MAGI2: variants seen among roughly 807,000 people sequenced by gnomAD.
The protein encoded by MAGI2 is membrane-associated guanylate kinase, WW and PDZ domain-containing protein 2.
A neutral mutation model predicts 133.3 loss-of-function variants in MAGI2; 35 were observed. The observed-to-expected ratio is 0.26, with a 90% CI of 0.20 to 0.35. MAGI2 has a LOEUF of 0.35. Ranked by LOEUF, MAGI2 falls within the 10% of genes least tolerant of loss-of-function variation. The pLI is 1.00. For synonymous variants in MAGI2, 729 were observed against 710.6 expected, an observed-to-expected ratio of 1.03 and a Z score of -0.41; for missense variants, 1,636 against 1,863.4, an observed-to-expected ratio of 0.88 and a Z score of 2.25.
chr7:79,418,105 G>C (rs1029156138), intron 1 of MAGI2, among the ~76,000 whole-genome samples: 2 of 151,856 alleles, frequency 1.3e-5, no homozygotes, highest in Admixed American at 1.3e-4. Context: ...GAAATTAATC[G>C]TGTCATATTT....
At chr7:78,642,957 G>C (rs751472203) in intron 2 of MAGI2, among the ~76,000 whole-genome samples, 29 of 152,116 alleles carry the variant, frequency 1.9e-4, no homozygotes, top group Non-Finnish European at 4.1e-4. Flanking sequence ...GGGAGTGTGG[G>C]TGTGCCTTGT....
intron 10 of MAGI2, among the ~76,000 whole-genome samples, chr7:78,213,692 A>G (rs1787991268): frequency 6.6e-6 from 1 of 152,190 alleles, no homozygotes; most frequent in South Asian, 2.1e-4. Context: ...GCTGTAACCA[A>G]TCTGAGCTGT....
At chr7:78,696,681 T>TG (rs201602681) in intron 2 of MAGI2, among the ~76,000 whole-genome samples, 2,714 of 141,480 alleles carry the variant, frequency 0.019, 43 homozygotes, top group Non-Finnish European at 0.026. Flanking sequence ...TGCAAACTGA[T>TG]GAAAAAAAAA....
intron 10 of MAGI2, among the ~76,000 whole-genome samples, chr7:78,208,263 G>T (rs1310753896): frequency 6.6e-6 from 1 of 150,578 alleles, no homozygotes; most frequent in Non-Finnish European, 1.5e-5. Context: ...TTTTCAAACA[G>T]CCATTTCTCC....
At chr7:78,357,149 C>A (rs182996794) in intron 7 of MAGI2, among the ~76,000 whole-genome samples, 1 of 152,296 alleles carries the variant, frequency 6.6e-6, no homozygotes, top group Non-Finnish European at 1.5e-5. Flanking sequence ...TAAATATGGA[C>A]AGTGTGAAGT....
chr7:78,484,409 A>G (rs1792753078), intron 6 of MAGI2: 1 of 109,780 alleles, frequency 9.1e-6, no homozygotes, highest in East Asian at 4.7e-4. Context: ...ATGGGTTAAG[A>G]TTATGTAATT....
intron 6 of MAGI2, among the ~76,000 whole-genome samples, chr7:78,392,042 C>T (rs965206487): frequency 6.6e-6 from 1 of 152,022 alleles, no homozygotes; most frequent in East Asian, 1.9e-4. Context: ...ACAGACACAT[C>T]GTTTCGACTC....
chr7:78,055,665 T>C (rs1467920230), intron 21 of MAGI2, among the ~76,000 whole-genome samples: 2 of 152,046 alleles, frequency 1.3e-5, no homozygotes, highest in Non-Finnish European at 2.9e-5. Flanking sequence ...CCTTCCAAAA[T>C]CAATCAGGGG....
At position 78,362,475 on chromosome 7, in the gene MAGI2, G is replaced by A. The variant is rs185629695; in HGVS notation, c.1103+6681C>T. ...TTATCAACTATGAACTATCAGAAAA[G>A]TTAAGAGCATGTGTGTGGAGCTAGG... On this transcript the variant is annotated intron_variant, in intron 7 of 21. Coordinates refer to ENST00000354212, the MANE Select transcript of MAGI2 (RefSeq NM_012301.4). Among the ~76,000 whole-genome samples the A allele has an allele frequency of 3.9e-5, 6 of 152,246 alleles. No individual in the cohort carries two copies. The East Asian group carries it at 1.2e-3, about 29-fold the overall frequency.
intron 1 of MAGI2, among the ~76,000 whole-genome samples, chr7:79,444,198 GT>G (rs1215269588): frequency 1.3e-5 from 2 of 152,148 alleles, no homozygotes; most frequent in Non-Finnish European, 2.9e-5. Context: ...CAAACCCACA[GT>G]CAATATCATA....
intron 20 of MAGI2, among the ~76,000 whole-genome samples, chr7:78,096,802 C>T (rs554772919): frequency 2.6e-5 from 4 of 152,108 alleles, no homozygotes; most frequent in South Asian, 4.2e-4. Context: ...AAAGTTTGCC[C>T]AAAGGCAAAA....
intron 1 of MAGI2, among the ~76,000 whole-genome samples, chr7:79,074,308 CATA>C (rs889232642): frequency 2.1e-4 from 32 of 152,248 alleles, no homozygotes; most frequent in Admixed American, 1.8e-3. Context: ...TTATAATAAA[CATA>C]ATATTCTATT....
chr7:79,329,634 G>A lies in MAGI2; in HGVS notation c.301+123386C>T, dbSNP rs185672281. Among the ~76,000 whole-genome samples the A allele has an allele frequency of 2.5e-3, 381 of 152,260 alleles. 3 individuals carry two copies. Among genetic ancestry groups the A allele is most frequent in the Non-Finnish European group, 4.3e-3 (293 of 68,008 alleles). ...GTTTTAATACTGGCAATATAATTAC[G>A]AGATTAGATTTCTGTTCTCCCTGAC... On this transcript the variant is annotated intron_variant, in intron 1 of 21. Transcript: ENST00000354212.
intron 1 of MAGI2, among the ~76,000 whole-genome samples, chr7:79,340,857 C>T (rs994715379): frequency 2.0e-5 from 3 of 152,092 alleles, no homozygotes; most frequent in East Asian, 3.9e-4. Flanking sequence ...CCTAGGATGG[C>T]CATTTACCTG....
chr7:79,066,367 T>C (rs1814332740), intron 1 of MAGI2, among the ~76,000 whole-genome samples: 1 of 152,116 alleles, frequency 6.6e-6, no homozygotes. Context: ...AAATGTCTTC[T>C]TTTGAGAAGT....
At chr7:78,485,750 T>C (rs1457873548) in intron 6 of MAGI2, 1 of 151,982 alleles carries the variant, frequency 6.6e-6, no homozygotes, top group Non-Finnish European at 1.5e-5. Flanking sequence ...AGCACACATA[T>C]ATGACAAAAT....
At chr7:78,411,402 A>C (rs572338573) in intron 6 of MAGI2, among the ~76,000 whole-genome samples, 2 of 152,162 alleles carry the variant, frequency 1.3e-5, no homozygotes, top group East Asian at 3.9e-4. Flanking sequence ...TGGCATCATC[A>C]AATGCAAGAA....
chr7:78,309,340 T>A (rs798282), intron 9 of MAGI2, among the ~76,000 whole-genome samples: 5 of 152,058 alleles, frequency 3.3e-5, no homozygotes, highest in African/African-American at 1.2e-4. Context: ...ATATACACCA[T>A]GGAATACTAT....
At chr7:78,730,412 CAAAAA>C (rs34294077) in intron 2 of MAGI2, among the ~76,000 whole-genome samples, 26 of 138,220 alleles carry the variant, frequency 1.9e-4, no homozygotes, top group Non-Finnish European at 2.2e-4. Flanking sequence ...AATACTAAGC[CAAAAA>C]AAAAAAAAAA....
Sources: gnomAD v4.1 joint callset for allele counts (sites outside exome capture counted in the v4.1 genomes callset) on GRCh38, gnomAD v4.1.1 for gene constraint, MANE v1.5 for transcripts, NCBI Gene and HGNC (gene_info 2026-07-23, HGNC 2026-07-21) for gene names.